DCDC2: variants seen among roughly 807,000 people sequenced by gnomAD.
DCDC2 encodes doublecortin domain containing 2.
A neutral mutation model predicts 50.2 loss-of-function variants in DCDC2; 40 were observed. The ratio of observed to expected loss-of-function variants is 0.80; its 90% CI spans 0.62 to 1.04. The LOEUF is 1.04. Among genes scored for constraint, DCDC2 ranks in the 50% least tolerant of loss-of-function variants. The pLI is 0.00. For synonymous variants in DCDC2, 234 were observed against 210.6 expected (o/e 1.11, Z -0.96); for missense variants, 570 against 581.9 (o/e 0.98, Z 0.21).
At chr6:24,202,630 C>T (rs1761612920) in intron 8 of DCDC2, among the ~76,000 whole-genome samples, 1 of 151,952 alleles carries the variant, frequency 6.6e-6, no homozygotes, top group African/African-American at 2.4e-5. Context: ...AAGTTCTGGC[C>T]AGGGCAATCA....
the DCDC2 span, among the ~76,000 whole-genome samples, chr6:24,366,828 CT>C: frequency 3.3e-5 from 5 of 150,248 alleles, no homozygotes; most frequent in East Asian, 2.0e-4. Context: ...AATGCTGGAT[CT>C]TTTTTTATAA....
At chr6:24,190,622 T>C (rs1264102910) in intron 8 of DCDC2, among the ~76,000 whole-genome samples, 1 of 152,232 alleles carries the variant, frequency 6.6e-6, no homozygotes, top group Non-Finnish European at 1.5e-5. Context: ...CAGAAATCCC[T>C]GATGGCTACA....
At chr6:24,182,631 A>AAAAAAAG in intron 8 of DCDC2, among the ~76,000 whole-genome samples, 1 of 149,418 alleles carries the variant, frequency 6.7e-6, no homozygotes, top group East Asian at 1.9e-4. Context: ...GATGACAAGA[A>AAAAAAAG]AAAAAAAAAA....
intron 7 of DCDC2, among the ~76,000 whole-genome samples, chr6:24,254,438 T>C (rs532487140): frequency 1.3e-5 from 2 of 152,266 alleles, no homozygotes; most frequent in Admixed American, 1.3e-4. Flanking sequence ...ACATGACTAA[T>C]GACTAATGCA....
intron 7 of DCDC2, among the ~76,000 whole-genome samples, chr6:24,235,148 T>C (rs1183841174): frequency 6.6e-6 from 1 of 152,222 alleles, no homozygotes; most frequent in African/African-American, 2.4e-5. Context: ...ATTTTACTCA[T>C]AAGAATGTGT....
chr6:24,369,140 A>AAAAAAAAAAAAAAAC, the DCDC2 span, among the ~76,000 whole-genome samples: 2 of 150,944 alleles, frequency 1.3e-5, no homozygotes, highest in African/African-American at 4.9e-5. Flanking sequence ...TCTCAAAAAA[A>AAAAAAAAAAAAAAAC]AAAAAAAAAA....
At chr6:24,258,492 G>T (rs1235127502) in intron 7 of DCDC2, among the ~76,000 whole-genome samples, 2 of 152,078 alleles carry the variant, frequency 1.3e-5, no homozygotes, top group Non-Finnish European at 2.9e-5. Context: ...GCTACAGAGT[G>T]CTGCTGATTG....
chr6:24,324,936 G>A (rs1195740207), intron 2 of DCDC2, among the ~76,000 whole-genome samples: 1 of 151,448 alleles, frequency 6.6e-6, no homozygotes, highest in African/African-American at 2.4e-5. Flanking sequence ...GAGAGAGAGA[G>A]CTATGACACT....
chr6:24,341,925 GGCGCACGCATGT>G, intron 2 of DCDC2, among the ~76,000 whole-genome samples: 1 of 139,450 alleles, frequency 7.2e-6, no homozygotes, highest in East Asian at 2.1e-4. Flanking sequence ...CATGTAAGAG[GGCGCACGCATGT>G]GTGCACGCGT....
At chr6:24,196,668 G>C (rs1265705475) in intron 8 of DCDC2, among the ~76,000 whole-genome samples, 1 of 152,128 alleles carries the variant, frequency 6.6e-6, no homozygotes, top group African/African-American at 2.4e-5. Flanking sequence ...AGGTGATCCA[G>C]ACCACCTCAG....
intron 7 of DCDC2, among the ~76,000 whole-genome samples, chr6:24,256,402 TTA>T (rs1306829537): frequency 6.6e-6 from 1 of 152,158 alleles, no homozygotes; most frequent in East Asian, 1.9e-4. Flanking sequence ...AAGCTCATTT[TTA>T]TGTTATTTTC....
intron 8 of DCDC2, among the ~76,000 whole-genome samples, chr6:24,197,471 A>C (rs1761472255): frequency 1.3e-5 from 2 of 152,154 alleles, no homozygotes; most frequent in Non-Finnish European, 2.9e-5. Context: ...CATGATGATC[A>C]CTCTTCTTTG....
At chr6:24,362,470 T>G (rs1353690475), upstream of DCDC2, among the ~76,000 whole-genome samples, 7 of 133,718 alleles carry the variant, frequency 5.2e-5, no homozygotes, top group African/African-American at 2.1e-4. Flanking sequence ...ATTGTATATT[T>G]ATACAATTTT....
chr6:24,183,857 T>C (rs1761135528), intron 8 of DCDC2, among the ~76,000 whole-genome samples: 1 of 152,126 alleles, frequency 6.6e-6, no homozygotes, highest in African/African-American at 2.4e-5. Context: ...TAAGGGCATG[T>C]GTCGGGAAAG....
At chr6:24,230,199 A>G (rs193060286) in intron 7 of DCDC2, among the ~76,000 whole-genome samples, 1 of 152,246 alleles carries the variant, frequency 6.6e-6, no homozygotes, top group Non-Finnish European at 1.5e-5. Context: ...ACAAGCCAAA[A>G]TCACTGGTCT....
chr6:24,294,606 C>G (rs917768147), intron 4 of DCDC2, among the ~76,000 whole-genome samples: 2 of 151,876 alleles, frequency 1.3e-5, no homozygotes, highest in Non-Finnish European at 2.9e-5. Context: ...GAGAGAAGAT[C>G]CAAATGAACA....
rs539086006 is a variant in DCDC2, at chr6:24,251,464, C to T, written c.922+26585G>A. The stretch of plus-strand genomic sequence containing the variant: ...CAGCTGGTATGGCTAGCCCTAATTC[C>T]TCACAAACCTCCTGAAATTCTGCTA... On this transcript the variant is annotated intron_variant, in intron 7 of 9. Transcript: ENST00000378454. Among the ~76,000 whole-genome samples, 81 of 152,266 alleles carry T rather than the reference C, an allele frequency of 5.3e-4. 2 individuals carry two copies. In the South Asian group the frequency reaches 0.01, roughly 19 times the overall value.
intron 4 of DCDC2, among the ~76,000 whole-genome samples, chr6:24,294,546 A>C (rs1369158756): frequency 6.6e-6 from 1 of 152,064 alleles, no homozygotes; most frequent in Non-Finnish European, 1.5e-5. Flanking sequence ...GTTTTTAAAA[A>C]AAAATTAATA....
intron 7 of DCDC2, among the ~76,000 whole-genome samples, chr6:24,237,280 T>C (rs1355963840): frequency 3.9e-5 from 6 of 152,122 alleles, no homozygotes; most frequent in Non-Finnish European, 7.3e-5. Context: ...GCTTATTAGC[T>C]AGGTGATGAA....
Sources: gnomAD v4.1 joint callset for allele counts (sites outside exome capture counted in the v4.1 genomes callset) on GRCh38, gnomAD v4.1.1 for gene constraint, MANE v1.5 for transcripts, NCBI Gene and HGNC (gene_info 2026-07-23, HGNC 2026-07-21) for gene names.